Variants in GULP1 observed in about 807,000 individuals in gnomAD.
The protein encoded by GULP1 is PTB domain-containing engulfment adapter protein 1.
A neutral mutation model predicts 40.9 loss-of-function variants in GULP1; 19 were observed. The observed-to-expected ratio is 0.46, with a 90% CI of 0.32 to 0.68. The LOEUF (loss-of-function observed/expected upper bound fraction) is 0.68, where lower values mean the gene tolerates loss of function less well. Among genes scored for constraint, GULP1 ranks in the 30% least tolerant of loss-of-function variants. GULP1 has a pLI of 0.03. For missense variants in GULP1, 312 were observed against 362.2 expected, an observed-to-expected ratio of 0.86 and a Z score of 1.12; for synonymous variants, 119 against 117.6, an observed-to-expected ratio of 1.01 and a Z score of -0.08.
rs114184233 is a variant in GULP1, at chr2:188,457,963, G to A, written c.-44-19696G>A. Among the ~76,000 whole-genome samples the A allele has an allele frequency of 4.1e-3, 627 of 152,110 alleles. 8 individuals are homozygous for A. The highest frequency in any genetic ancestry group is 0.015 in the African/African-American group (604 of 41,488). ...TCCATTCACTCTTCTATTTGAGATGGCTCTTTTCTGCCTAAACAACCCTCT... is the reference window on the plus strand; with the variant it reads ...TCCATTCACTCTTCTATTTGAGATGACTCTTTTCTGCCTAAACAACCCTCT... On this transcript the variant is annotated intron_variant, in intron 2 of 11. Coordinates refer to ENST00000409830, the MANE Select transcript of GULP1 (RefSeq NM_016315.4).
chr2:188,531,948 A>G (rs1687657255), intron 6 of GULP1, among the ~76,000 whole-genome samples: 1 of 152,152 alleles, frequency 6.6e-6, no homozygotes, highest in African/African-American at 2.4e-5. Flanking sequence ...CTTATGTTGA[A>G]AGTTTTTTTC....
chr2:188,380,240 C>G (rs1026383834), intron 1 of GULP1, among the ~76,000 whole-genome samples: 3 of 152,026 alleles, frequency 2.0e-5, no homozygotes, highest in Non-Finnish European at 2.9e-5. Context: ...CTTCTTTGTA[C>G]CTTTTGCTTG....
chr2:188,561,211 G>T (rs972538784), intron 7 of GULP1, among the ~76,000 whole-genome samples: 1 of 152,208 alleles, frequency 6.6e-6, no homozygotes, highest in African/African-American at 2.4e-5. Context: ...GCTGATATAT[G>T]CTGGCAGTGG....
At chr2:188,592,339 C>A (rs1347734662) in intron 11 of GULP1, 1 of 151,814 alleles carries the variant, frequency 6.6e-6, no homozygotes, top group African/African-American at 2.4e-5. Context: ...CAGAAGATGA[C>A]ATAATATACA....
At chr2:188,580,972 CT>C (rs1701199881) in intron 9 of GULP1, among the ~76,000 whole-genome samples, 1 of 152,178 alleles carries the variant, frequency 6.6e-6, no homozygotes, top group African/African-American at 2.4e-5. Flanking sequence ...GTTACAAAGG[CT>C]TTGCCTGGCA....
intron 9 of GULP1, 133 bp from the exon 10 acceptor site, chr2:188,584,132 G>T: frequency 1.8e-6 from 1 of 558,516 alleles, no homozygotes. Context: ...AACTATTTTT[G>T]GTCTACAAAA....
At chr2:188,378,966 ATAATTTTC>A (rs2048663182) in intron 1 of GULP1, among the ~76,000 whole-genome samples, 2 of 152,142 alleles carry the variant, frequency 1.3e-5, no homozygotes, top group South Asian at 4.1e-4. Context: ...ATTTTCCTTT[ATAATTTTC>A]TAATTTTCTA....
At chr2:188,426,633 A>G (rs1008810492) in intron 2 of GULP1, among the ~76,000 whole-genome samples, 1 of 152,210 alleles carries the variant, frequency 6.6e-6, no homozygotes, top group Non-Finnish European at 1.5e-5. Context: ...ATCTTATACA[A>G]CAGTCTCTTT....
At chr2:188,537,389 A>T (rs1689215455) in intron 6 of GULP1, among the ~76,000 whole-genome samples, 1 of 152,074 alleles carries the variant, frequency 6.6e-6, no homozygotes, top group South Asian at 2.1e-4. Flanking sequence ...GGATTTTATC[A>T]TGAAGGAATG....
chr2:188,471,573 A>G (rs1211715456), intron 2 of GULP1, among the ~76,000 whole-genome samples: 1 of 152,154 alleles, frequency 6.6e-6, no homozygotes, highest in African/African-American at 2.4e-5. Flanking sequence ...GAGGCTTGCA[A>G]GTATTACTTT....
intron 2 of GULP1, among the ~76,000 whole-genome samples, chr2:188,450,047 A>G (rs1044501213): frequency 6.6e-6 from 1 of 152,174 alleles, no homozygotes; most frequent in Non-Finnish European, 1.5e-5. Flanking sequence ...ATATCAATAC[A>G]TGCAAATTGA....
At chr2:188,449,842 T>C (rs2058693073) in intron 2 of GULP1, among the ~76,000 whole-genome samples, 1 of 152,186 alleles carries the variant, frequency 6.6e-6, no homozygotes, top group African/African-American at 2.4e-5. Context: ...CCTTGAAGTT[T>C]AAAGGAGGTA....
chr2:188,375,218 A>G (rs2048147275), intron 1 of GULP1, among the ~76,000 whole-genome samples: 1 of 152,198 alleles, frequency 6.6e-6, no homozygotes, highest in Non-Finnish European at 1.5e-5. Context: ...AATTTGAGTG[A>G]AATTATATCC....
chr2:188,365,894 A>T (rs937753654), intron 1 of GULP1, among the ~76,000 whole-genome samples: 6 of 152,228 alleles, frequency 3.9e-5, no homozygotes, highest in Non-Finnish European at 7.3e-5. Flanking sequence ...GAAAAGAGCT[A>T]AAGGGATGCC....
rs1461078217 is a variant in GULP1 at position 188,369,341 on chromosome 2, T to C, written c.-171-14422T>C. On this transcript the variant is annotated intron_variant, in intron 1 of 11. Coordinates refer to ENST00000409830, the MANE Select transcript of GULP1 (RefSeq NM_016315.4). ...TTTTAAGACAAGTTCCTTGAATGGA[T>C]GTTAAGGAGACCAGACAGAAAAGAT... Among the ~76,000 whole-genome samples the C allele has an allele frequency of 1.3e-5, 2 of 152,040 alleles. 1 individual carries two copies. The highest frequency in any genetic ancestry group is 4.2e-4 in the South Asian group (2 of 4,812).
intron 1 of GULP1, among the ~76,000 whole-genome samples, chr2:188,319,399 A>T (rs1158140810): frequency 1.3e-5 from 2 of 152,156 alleles, no homozygotes; most frequent in African/African-American, 2.4e-5. Context: ...TCAGACTTGT[A>T]CATCTTGATG....
intron 2 of GULP1, among the ~76,000 whole-genome samples, chr2:188,437,208 C>A (rs1189888634): frequency 6.6e-6 from 1 of 152,114 alleles, no homozygotes. Context: ...TTCCAGGTTA[C>A]ATTTTGTGTC....
chr2:188,488,896 G>A (rs1418623752), intron 4 of GULP1, among the ~76,000 whole-genome samples: 4 of 151,980 alleles, frequency 2.6e-5, no homozygotes, highest in African/African-American at 4.8e-5. Flanking sequence ...GGTAGTCCTT[G>A]TAAACCTTTT....
At chr2:188,430,467 G>A (rs1392034120) in intron 2 of GULP1, among the ~76,000 whole-genome samples, 1 of 152,154 alleles carries the variant, frequency 6.6e-6, no homozygotes, top group African/African-American at 2.4e-5. Context: ...TCAGACATAG[G>A]AAGACCAGTA....
Sources: gnomAD v4.1 joint callset for allele counts (sites outside exome capture counted in the v4.1 genomes callset) on GRCh38, gnomAD v4.1.1 for gene constraint, MANE v1.5 for transcripts, NCBI Gene and HGNC (gene_info 2026-07-23, HGNC 2026-07-21) for gene names.